TRPM7: variants seen among roughly 807,000 people sequenced by gnomAD.
The protein encoded by TRPM7 is transient receptor potential cation channel subfamily M member 7, also known as LTRPC ion channel family member 7.
A neutral mutation model predicts 229.7 loss-of-function variants in TRPM7; 134 were observed. That is an observed-to-expected ratio of 0.58 (90% confidence interval 0.51 to 0.67). The LOEUF is 0.67. TRPM7 is among the 30% of genes least tolerant of loss of function. TRPM7 has a pLI of 0.00. For synonymous variants in TRPM7, 699 were observed against 715.2 expected, an observed-to-expected ratio of 0.98 and a Z score of 0.36; for missense variants, 1,901 against 2,210.0, an observed-to-expected ratio of 0.86 and a Z score of 2.80.
intron 4 of TRPM7, 110 bp from the exon 5 acceptor site, chr15:50,643,663 G>T (rs1238417081): frequency 2.8e-6 from 2 of 724,870 alleles, no homozygotes; most frequent in South Asian, 1.9e-5. Flanking sequence ...TGTAAAAAGA[G>T]ATTTCATAGG....
rs1566920077 is a variant in TRPM7, at chr15:50,559,341, G to A, written c.*2337C>T. 6.7e-6 allele frequency: 1 copy of A among 148,898 alleles called. No homozygotes were observed. Among genetic ancestry groups the A allele is most frequent in the Admixed American group, 6.9e-5 (1 of 14,498 alleles). The allele number at this position is 148,898 out of a possible 1,614,324, so 9.2% of individuals were successfully genotyped here. A position where few individuals can be genotyped will look rare whatever the true frequency, so the allele number is the denominator to read the frequency against. ...GCTGGGATTACAGGCATGAGCCACT[G>A]CACCTGGCCTAATTTTTGTATTTTT... On this transcript the variant is annotated 3_prime_UTR_variant, in exon 39 of 39. Coordinates refer to ENST00000646667, the MANE Select transcript of TRPM7 (RefSeq NM_017672.6).
At chr15:50,657,406 A>T (rs1219099619) in intron 3 of TRPM7, among the ~76,000 whole-genome samples, 1 of 152,218 alleles carries the variant, frequency 6.6e-6, no homozygotes, top group Non-Finnish European at 1.5e-5. Context: ...CATGTGCAAC[A>T]AAAAGCCTTG....
chr15:50,627,207 T>C (rs1409374471), intron 11 of TRPM7, among the ~76,000 whole-genome samples: 3 of 152,192 alleles, frequency 2.0e-5, no homozygotes, highest in Non-Finnish European at 4.4e-5. Flanking sequence ...TCAGAAAGTT[T>C]ACTTTCTAGG....
intron 7 of TRPM7, among the ~76,000 whole-genome samples, chr15:50,635,131 C>A (rs2060851074): frequency 4.6e-5 from 7 of 151,606 alleles, no homozygotes; most frequent in Admixed American, 2.6e-4. Flanking sequence ...TCCTGGCTAA[C>A]ACAGTGAAAC....
rs567109 is a variant in TRPM7, at chr15:50,593,779, G to T, written c.3476-30C>A. On this transcript the variant is annotated intron_variant, in intron 24 of 38. Coordinates refer to ENST00000646667, the MANE Select transcript of TRPM7 (RefSeq NM_017672.6). ...GGGAGGAAAAGGAGAAGAAAATCAA[G>T]GAAGAGCTATCAAGGTTTCAACTTT... The T allele has an allele frequency of 0.55, 875,180 of 1,577,772 alleles. 244,381 individuals are homozygous for T. The highest frequency in any genetic ancestry group is 0.62 in the Admixed American group (33,308 of 53,796).
intron 31 of TRPM7, among the ~76,000 whole-genome samples, chr15:50,576,373 G>C (rs999996988): frequency 6.6e-6 from 1 of 152,150 alleles, no homozygotes; most frequent in South Asian, 2.1e-4. Flanking sequence ...ACCTTTAAAT[G>C]TTGCAAGAAG....
At chr15:50,654,955 T>G (rs1226089641) in intron 3 of TRPM7, among the ~76,000 whole-genome samples, 1 of 138,300 alleles carries the variant, frequency 7.2e-6, no homozygotes, top group Non-Finnish European at 1.5e-5. Flanking sequence ...GAGCTGAGAC[T>G]GCGCCACTGC....
chr15:50,594,866 A>AT (rs1190370133), intron 23 of TRPM7, among the ~76,000 whole-genome samples: 2 of 152,194 alleles, frequency 1.3e-5, no homozygotes, highest in East Asian at 3.8e-4. Flanking sequence ...ACATAAGAAA[A>AT]TACTCAGACT....
At chr15:50,667,128 G>A (rs1205935006) in intron 1 of TRPM7, among the ~76,000 whole-genome samples, 3 of 152,180 alleles carry the variant, frequency 2.0e-5, no homozygotes, top group East Asian at 1.9e-4. Context: ...TTGATTGGCC[G>A]ACTCTGGGGG....
intron 3 of TRPM7, among the ~76,000 whole-genome samples, chr15:50,656,879 A>C (rs892311764): frequency 6.6e-6 from 1 of 152,164 alleles, no homozygotes; most frequent in Non-Finnish European, 1.5e-5. Flanking sequence ...TATTGCATTT[A>C]TCTCATTAAG....
chr15:50,623,220 T>C (rs2060461599), intron 12 of TRPM7, among the ~76,000 whole-genome samples: 1 of 151,764 alleles, frequency 6.6e-6, no homozygotes, highest in Non-Finnish European at 1.5e-5. Flanking sequence ...AAGACCATCC[T>C]GGCCAACATG....
chr15:50,565,684 C>T (rs1457477822), intron 38 of TRPM7, among the ~76,000 whole-genome samples: 5 of 152,116 alleles, frequency 3.3e-5, no homozygotes, highest in African/African-American at 1.2e-4. Flanking sequence ...AGAACTAATA[C>T]ACAGAAAACC....
rs746023056 is a variant in TRPM7 at position 50,648,839 on chromosome 15, T to C, written c.169A>G (p.Ser57Gly). Reference sequence around the variant, plus strand: ...ACATCTGAGTATTTCATGGCAAGACTTGCAGTAAAACAAGCATGTTGCTTG... The same window carrying C: ...ACATCTGAGTATTTCATGGCAAGACCTGCAGTAAAACAAGCATGTTGCTTG... ...LVKQHACFTA[S>G]LAMKYSDVKL... The change falls in exon 4 of 39, where the codon AGT (serine) becomes GGT (glycine). Residue 57 changes from serine to glycine, a missense_variant. Around this residue, in one of 8 missense-constraint regions of TRPM7, gnomAD observed 794 missense variants for 881.9 expected, o/e 0.90. Coordinates refer to ENST00000646667, the MANE Select transcript of TRPM7 (RefSeq NM_017672.6). 1 of 1,612,626 alleles carries C rather than the reference T, an allele frequency of 6.2e-7. No individual in the cohort carries two copies. Among genetic ancestry groups the C allele is most frequent in the Non-Finnish European group, 8.5e-7 (1 of 1,179,174 alleles).
chr15:50,604,304 G>T (rs558372400), intron 21 of TRPM7: 82 of 152,432 alleles, frequency 5.4e-4, no homozygotes, highest in African/African-American at 1.9e-3. Context: ...AGGGTGTGGT[G>T]GCTCACGCCT....
intron 1 of TRPM7, among the ~76,000 whole-genome samples, chr15:50,676,516 T>C (rs746845987): frequency 5.9e-5 from 9 of 151,894 alleles, no homozygotes; most frequent in Non-Finnish European, 1.2e-4. Flanking sequence ...GCCAGGAGTT[T>C]GAGACCAGCC....
At chr15:50,648,102 A>C (rs975973720) in intron 4 of TRPM7, among the ~76,000 whole-genome samples, 4 of 152,216 alleles carry the variant, frequency 2.6e-5, no homozygotes, top group African/African-American at 9.6e-5. Context: ...AGGAATCTAG[A>C]GATGATTTAA....
intron 3 of TRPM7, 48 bp downstream of exon 3, chr15:50,657,733 T>C (rs758520443): frequency 6.5e-7 from 1 of 1,540,610 alleles, no homozygotes; most frequent in African/African-American, 1.4e-5. Context: ...AATAGATTAG[T>C]TTTATTTATT....
chr15:50,566,791 AACATG>A (rs2053619157), intron 38 of TRPM7, among the ~76,000 whole-genome samples: 1 of 152,200 alleles, frequency 6.6e-6, no homozygotes, highest in Non-Finnish European at 1.5e-5. Context: ...AGCGAGTATA[AACATG>A]GAAAAATAAA....
Position 50,619,678 on chromosome 15 carries a change from TA to T in TRPM7, c.1494+66del, listed in dbSNP as rs747202827. Reference sequence around the variant, plus strand: ...AAATGTATTTAAATGATTTTTTTTTTAAAAAACATGAAATATAAATGATTTT... The same window carrying T: ...AAATGTATTTAAATGATTTTTTTTTTAAAAACATGAAATATAAATGATTTT... On this transcript the variant is annotated intron_variant, in intron 13 of 38. Transcript: ENST00000646667. 1.5e-3 allele frequency: 1,627 copies of T among 1,086,276 alleles called. 18 individuals carry two copies. The African/African-American group carries it at 0.022, about 15-fold the overall frequency. The allele number at this position is 1,086,276 out of a possible 1,614,324, so 67.3% of individuals were successfully genotyped here.
Sources: gnomAD v4.1 joint callset for allele counts (sites outside exome capture counted in the v4.1 genomes callset) on GRCh38, gnomAD v4.1.1 for gene constraint, gnomAD v4.1.1 regional missense constraint, MANE v1.5 for transcripts, NCBI Gene and HGNC (gene_info 2026-07-23, HGNC 2026-07-21) for gene names.